Variants in PKD1L1 observed in about 807,000 individuals in gnomAD.
PKD1L1 encodes polycystin 1 like 1, transient receptor potential channel interacting.
In PKD1L1, 236 loss-of-function variants were observed where a neutral mutation model predicts 323.4. That is an observed-to-expected ratio of 0.73 (90% CI 0.66 to 0.81). The LOEUF (loss-of-function observed/expected upper bound fraction) is 0.81. Ranked by LOEUF, PKD1L1 falls within the 40% of genes least tolerant of loss-of-function variation. The pLI is 0.00. For synonymous variants in PKD1L1, 1,344 were observed against 1,335.0 expected, an observed-to-expected ratio of 1.01 and a Z score of -0.15; for missense variants, 3,320 against 3,508.0, an observed-to-expected ratio of 0.95 and a Z score of 1.35.
chr7:47,854,878 A>T lies in PKD1L1; in HGVS notation c.4859+4T>A, dbSNP rs753322871. 2.0e-5 allele frequency: 32 copies of T among 1,613,706 alleles called. No homozygotes were observed. The highest frequency in any genetic ancestry group is 2.7e-5 in the African/African-American group (2 of 74,914). On this transcript the variant is annotated splice_donor_region_variant and intron_variant, in intron 30 of 56. Coordinates refer to ENST00000289672, the MANE Select transcript of PKD1L1 (RefSeq NM_138295.5). ...TCTCATTGTAGCTGTCACCATCAAC[A>T]CACCTTACTAGCAACATGACGGGAA...
intron 31 of PKD1L1, among the ~76,000 whole-genome samples, chr7:47,848,423 G>A (rs142394601): frequency 1.2e-3 from 184 of 152,288 alleles, no homozygotes; most frequent in African/African-American, 4.0e-3. Flanking sequence ...AAAGCACAAT[G>A]CAAATGAGTG....
chr7:47,795,377 A>T (rs937346386), intron 55 of PKD1L1: 3 of 455,340 alleles, frequency 6.6e-6, no homozygotes, highest in South Asian at 1.6e-5. Context: ...TTCTCTTGCC[A>T]CCACCATGTA....
At chr7:47,916,389 T>C (rs1787429366) in intron 7 of PKD1L1, among the ~76,000 whole-genome samples, 1 of 152,178 alleles carries the variant, frequency 6.6e-6, no homozygotes, top group Admixed American at 6.5e-5. Flanking sequence ...GTCCACTTTT[T>C]ATAAATAAAT....
rs1203651520 is a variant in PKD1L1 at position 47,894,051 on chromosome 7, A to G, written c.2280T>C (p.Ile760=). 6.4e-7 allele frequency: 1 copy of G among 1,561,352 alleles called. No homozygotes were observed. The highest frequency in any genetic ancestry group is 8.7e-7 in the Non-Finnish European group (1 of 1,152,468). The change falls in exon 15 of 57, where the codon ATT becomes ATC. Residue 760 remains isoleucine, a synonymous_variant. Coordinates refer to ENST00000289672, the MANE Select transcript of PKD1L1 (RefSeq NM_138295.5). The stretch of plus-strand genomic sequence containing the variant: ...AGTTGCTGTACACCACACTGCCTTC[A>G]ATCTGAACCTGCAGGGGCAAGGAAG... ...GNYTALAKVQ[I]EGSVVYSNYC...
In PKD1L1 at chr7:47,800,640, T is replaced by A. The variant is rs773809838; in HGVS notation, c.8193+9A>T. The A allele has an allele frequency of 6.2e-7, 1 of 1,612,158 alleles. No homozygotes were observed. Among genetic ancestry groups the A allele is most frequent in the South Asian group, 1.1e-5 (1 of 91,024 alleles). ...CCATAACTTGAAAGTTGGGGATGTG[T>A]TTACTTACCATTCCAAAACACAGTG... On this transcript the variant is annotated intron_variant, in intron 54 of 56. Coordinates refer to ENST00000289672, the MANE Select transcript of PKD1L1 (RefSeq NM_138295.5).
chr7:47,845,208 C>T (rs1785641058), intron 32 of PKD1L1, 130 bp from the exon 33 acceptor site: 1 of 703,506 alleles, frequency 1.4e-6, no homozygotes. Flanking sequence ...ATGACTAAGA[C>T]CCAGTTTAAA....
chr7:47,828,814 CG>C (rs1217773555), intron 44 of PKD1L1, among the ~76,000 whole-genome samples: 2 of 152,244 alleles, frequency 1.3e-5, no homozygotes, highest in South Asian at 2.1e-4. Context: ...AGGCCCAGAC[CG>C]GGGTCTGACT....
intron 19 of PKD1L1, among the ~76,000 whole-genome samples, chr7:47,882,795 G>C (rs1444870872): frequency 6.6e-6 from 1 of 152,146 alleles, no homozygotes; most frequent in African/African-American, 2.4e-5. Context: ...GCCCTAGGAA[G>C]CCACTGGAGG....
chr7:47,943,633 T>G, intron 1 of PKD1L1, 122 bp from the exon 2 acceptor site: 1 of 723,520 alleles, frequency 1.4e-6, no homozygotes, highest in South Asian at 1.8e-5. Flanking sequence ...AAGTACAAAA[T>G]TGGCTGCCAT....
chr7:47,903,016 A>G (rs1405598479), intron 12 of PKD1L1, among the ~76,000 whole-genome samples: 1 of 152,222 alleles, frequency 6.6e-6, no homozygotes, highest in Non-Finnish European at 1.5e-5. Context: ...ATAGATCCAT[A>G]GCCTGTCTCC....
At chr7:47,868,905 A>T (rs1354469406) in intron 24 of PKD1L1, among the ~76,000 whole-genome samples, 1 of 152,234 alleles carries the variant, frequency 6.6e-6, no homozygotes, top group Non-Finnish European at 1.5e-5. Context: ...AAAATTTTAT[A>T]AAACAATAAT....
chr7:47,853,875 C>T (rs760842737), intron 30 of PKD1L1, among the ~76,000 whole-genome samples: 5 of 151,866 alleles, frequency 3.3e-5, no homozygotes, highest in Admixed American at 1.3e-4. Flanking sequence ...ACTGGCTACA[C>T]GTGGTTAGGG....
intron 55 of PKD1L1, among the ~76,000 whole-genome samples, chr7:47,794,252 C>A (rs184514377): frequency 1.6e-4 from 24 of 152,260 alleles, no homozygotes; most frequent in African/African-American, 5.8e-4. Flanking sequence ...TTCACAGCAG[C>A]CTCTCCCATC....
At chr7:47,803,128 G>T (rs989394387) in intron 53 of PKD1L1, 82 bp downstream of exon 53, 3 of 1,555,396 alleles carry the variant, frequency 1.9e-6, no homozygotes, top group Non-Finnish European at 2.6e-6. Context: ...AGAGCAGTTT[G>T]TTTTTCCCTT....
rs766450998 is a variant in PKD1L1, at chr7:47,855,174, A to G, written c.4682T>C (p.Phe1561Ser). 32 of 1,613,992 alleles carry G rather than the reference A, an allele frequency of 2.0e-5. No individual in the cohort carries two copies. The highest frequency in any genetic ancestry group is 5.0e-5 in the Admixed American group (3 of 59,994). ...QWLRKPVMVE[F>S]GEEDGLDNRR... is the part of the protein sequence containing the mutation. ...CCTTACCAGGCCATCCTCCTCCCCA[A>G]ACTCGACCATCACGGGTTTCCTTAG... Residue 1561 changes from phenylalanine (F) to serine (S), a missense_variant, in exon 29 of 57, where the codon TTT becomes TCT. Coordinates refer to ENST00000289672, the MANE Select transcript of PKD1L1 (RefSeq NM_138295.5).
intron 7 of PKD1L1, among the ~76,000 whole-genome samples, chr7:47,927,512 C>T (rs1373147158): frequency 6.6e-6 from 1 of 152,166 alleles, no homozygotes; most frequent in African/African-American, 2.4e-5. Context: ...GATCCACCCG[C>T]CTCGGTCTCC....
chr7:47,829,658 A>G, intron 43 of PKD1L1, 57 bp from the exon 44 acceptor site: 11 of 1,508,074 alleles, frequency 7.3e-6, no homozygotes, highest in South Asian at 1.3e-5. Context: ...TTCATTCCAC[A>G]CAGAGCTGTC....
intron 7 of PKD1L1, among the ~76,000 whole-genome samples, chr7:47,918,483 A>C (rs1032674149): frequency 1.3e-5 from 2 of 152,010 alleles, no homozygotes; most frequent in Non-Finnish European, 2.9e-5. Context: ...AAAAAAAAAA[A>C]CAATGGATTT....
chr7:47,901,062 G>A lies in PKD1L1; in HGVS notation c.2064+1317C>T, dbSNP rs559827773. Among the ~76,000 whole-genome samples, 32 of 151,824 alleles carry A rather than the reference G, an allele frequency of 2.1e-4. 1 individual carries two copies. The highest frequency in any genetic ancestry group is 8.3e-4 in the South Asian group (4 of 4,804). On this transcript the variant is annotated intron_variant, in intron 13 of 56. Transcript: ENST00000289672. Reference sequence around the variant, plus strand: ...CACGTAAAATAAAGAAAAAATGACCGGGCAGGGTCCTTCAGGTCCATAATC... The same window carrying A: ...CACGTAAAATAAAGAAAAAATGACCAGGCAGGGTCCTTCAGGTCCATAATC...
Sources: gnomAD v4.1 joint callset for allele counts (sites outside exome capture counted in the v4.1 genomes callset) on GRCh38, gnomAD v4.1.1 for gene constraint, MANE v1.5 for transcripts, NCBI Gene and HGNC (gene_info 2026-07-23, HGNC 2026-07-21) for gene names.